SIAE: variants seen among roughly 807,000 people sequenced by gnomAD.
The protein encoded by SIAE is sialate O-acetylesterase.
Under a neutral mutation model 52.6 loss-of-function variants are expected in SIAE, and 39 were observed. That is an observed-to-expected ratio of 0.74 (90% CI 0.57 to 0.97). The LOEUF (loss-of-function observed/expected upper bound fraction) is 0.97. Ranked by LOEUF, SIAE falls within the 50% of genes least tolerant of loss-of-function variation. The pLI is 0.00. For synonymous variants in SIAE, 233 were observed against 241.4 expected (o/e 0.97, Z 0.32); for missense variants, 592 against 662.1 (o/e 0.89, Z 1.16).
rs1330455659 is a variant in SIAE at position 124,637,117 on chromosome 11, T to C, written c.1406A>G (p.Asp469Gly). The C allele has an allele frequency of 1.9e-6, 3 of 1,614,028 alleles. No individual in the cohort carries two copies. In the African/African-American group the frequency reaches 4.0e-5, roughly 22 times the overall value. Residue 469 changes from aspartate (D) to glycine (G), a missense_variant, in exon 10 of 10, where the codon GAT (aspartate) becomes GGT (glycine). By Grantham distance (94) the Asp-to-Gly change is moderately conservative. Coordinates refer to ENST00000263593, the MANE Select transcript of SIAE (RefSeq NM_170601.5). The stretch of plus-strand genomic sequence containing the variant: ...AGCAACCACAGTGCCATGACAAGAA[T>C]CGATCGCCAGGGTCAGGGACTGGGT... ...VSTQSLTLAI[D>G]SCHGTVVALR...
chr11:124,669,089 T>C (rs949412561), intron 2 of SIAE, among the ~76,000 whole-genome samples: 2 of 152,228 alleles, frequency 1.3e-5, no homozygotes, highest in African/African-American at 2.4e-5. Flanking sequence ...ACCTTCATCA[T>C]AGCATTCATC....
rs1248049266 is a variant in SIAE, at chr11:124,670,067, C to T, written c.68-546G>A. ...ATGCCAATTTCCTTCAAATAATGCC[C>T]CTTATCATGGTTTTTTGACAACCCA... On this transcript the variant is annotated intron_variant, in intron 1 of 9. Transcript: ENST00000263593. This position sits in a 1 kb window ranked among gnomAD's most constrained non-coding sequence, Gnocchi z 4.5. 6.6e-6 allele frequency among the ~76,000 whole-genome samples: 1 copy of T among 152,124 alleles called. No individual in the cohort carries two copies. Among genetic ancestry groups the T allele is most frequent in the Non-Finnish European group, 1.5e-5 (1 of 68,018 alleles).
At chr11:124,642,156 G>A (rs1942860134) in intron 7 of SIAE, among the ~76,000 whole-genome samples, 1 of 152,130 alleles carries the variant, frequency 6.6e-6, no homozygotes, top group South Asian at 2.1e-4. Flanking sequence ...ACAAGAGGAA[G>A]GGTAAAATCC....
upstream of SIAE, chr11:124,673,882 A>T (rs1046366719): frequency 3.2e-3 from 1,759 of 549,038 alleles, 5 homozygotes; most frequent in Non-Finnish European, 3.7e-3. Flanking sequence ...TTTTTTTTTT[A>T]AAGAAAAAAC....
intron 1 of SIAE, among the ~76,000 whole-genome samples, chr11:124,671,644 G>C (rs1943358312): frequency 6.6e-6 from 1 of 152,172 alleles, no homozygotes; most frequent in African/African-American, 2.4e-5. Context: ...AGAGTAGACA[G>C]TGGAACATCA....
Position 124,637,058 on chromosome 11 carries a change from A to C in SIAE, c.1465T>G (p.Tyr489Asp). Residue 489 changes from tyrosine to aspartate, a missense_variant, in exon 10 of 10, where the codon TAT becomes GAT. Transcript: ENST00000263593. ...GGGTGGTATAGGGGACACTGCTTAT[A>C]TTCACAAGGCCACGTGGTCCAAGCA... Reference protein sequence around the residue: ...RYAWTTWPCEYKQCPLYHPSS... With the variant: ...RYAWTTWPCEDKQCPLYHPSS... The C allele has an allele frequency of 6.2e-7, 1 of 1,614,160 alleles. No homozygotes were observed. Among genetic ancestry groups the C allele is most frequent in the African/African-American group, 1.3e-5 (1 of 75,038 alleles).
intron 7 of SIAE, among the ~76,000 whole-genome samples, 159 bp downstream of exon 7, chr11:124,647,206 T>C (rs540591408): frequency 5.3e-5 from 8 of 152,310 alleles, no homozygotes; most frequent in African/African-American, 1.7e-4. Flanking sequence ...AAGCCTTACA[T>C]TCAGTTCTTG....
At chr11:124,654,564 T>C (rs1943067275) in intron 4 of SIAE, 91 bp downstream of exon 4, 12 of 1,610,946 alleles carry the variant, frequency 7.4e-6, no homozygotes, top group South Asian at 1.1e-5. Context: ...TAATAATAAA[T>C]AGACACATAA....
intron 3 of SIAE, among the ~76,000 whole-genome samples, chr11:124,656,467 T>C (rs964050634): frequency 1.3e-5 from 2 of 152,122 alleles, no homozygotes; most frequent in African/African-American, 4.8e-5. Context: ...CCTCCAAAGA[T>C]AAATCATATT....
At position 124,645,238 on chromosome 11, in the gene SIAE, G is replaced by C. The variant is rs1942914186; in HGVS notation, c.966+2127C>G. On this transcript the variant is annotated intron_variant, in intron 7 of 9. Coordinates refer to ENST00000263593, the MANE Select transcript of SIAE (RefSeq NM_170601.5). The surrounding 1 kb of genome is among the most constrained non-coding windows in gnomAD (Gnocchi z 4.7). The stretch of plus-strand genomic sequence containing the variant: ...GCATGTTTTTGTTGGTGATAATAAA[G>C]TTAAAACCTGGAGGTTAAGGGACTT... Among the ~76,000 whole-genome samples, 1 of 151,772 alleles carries C rather than the reference G, an allele frequency of 6.6e-6. No individual in the cohort carries two copies. The highest frequency in any genetic ancestry group is 2.1e-4 in the South Asian group (1 of 4,814).
chr11:124,644,369 A>G (rs1038079828), intron 7 of SIAE, among the ~76,000 whole-genome samples: 1 of 151,688 alleles, frequency 6.6e-6, no homozygotes, highest in African/African-American at 2.4e-5. Flanking sequence ...AAAAAAAAAA[A>G]AAAAACTAGC....
In SIAE at chr11:124,665,867, C is replaced by A. The variant is rs1943266101; in HGVS notation, c.229+3493G>T. Among the ~76,000 whole-genome samples the A allele has an allele frequency of 3.9e-5, 6 of 152,154 alleles. No homozygotes were observed. The South Asian group carries it at 1.2e-3, about 32-fold the overall frequency. ...AAAAGAAAATTGGTATGCATGCCAA[C>A]CAGGGGCAGGGAGGGTTTTAGGCTT... On this transcript the variant is annotated intron_variant, in intron 2 of 9. Coordinates refer to ENST00000263593, the MANE Select transcript of SIAE (RefSeq NM_170601.5).
intron 2 of SIAE, among the ~76,000 whole-genome samples, chr11:124,669,133 T>C (rs143918577): frequency 2.0e-5 from 3 of 152,356 alleles, no homozygotes; most frequent in Admixed American, 2.0e-4. Flanking sequence ...TCTATTCCCA[T>C]TATTCTGTAA....
chr11:124,661,604 C>T (rs1183165584), intron 2 of SIAE, among the ~76,000 whole-genome samples: 1 of 152,090 alleles, frequency 6.6e-6, no homozygotes, highest in East Asian at 1.9e-4. Flanking sequence ...CTGCCAACAA[C>T]ATACTTAGAA....
chr11:124,647,538 C>G, intron 6 of SIAE, 40 bp from the exon 7 acceptor site: 1 of 1,612,756 alleles, frequency 6.2e-7, no homozygotes, highest in Non-Finnish European at 8.5e-7. Flanking sequence ...TTGGAGTAGA[C>G]TGCAAAAATG....
At chr11:124,675,111 G>A, upstream of SIAE, 1 of 901,162 alleles carries the variant, frequency 1.1e-6, no homozygotes, top group Non-Finnish European at 1.6e-6. Flanking sequence ...ATGGGCTTGG[G>A]TTGTGTTAGG....
intron 9 of SIAE, among the ~76,000 whole-genome samples, chr11:124,638,106 C>G (rs1942781898): frequency 6.6e-6 from 1 of 152,118 alleles, no homozygotes; most frequent in African/African-American, 2.4e-5. Context: ...TTACAAATAC[C>G]TAAGAATAAG....
chr11:124,634,574 G>A lies in SIAE; in HGVS notation c.*2377C>T, dbSNP rs539499099. ...TCCTCTTCCATGTTAAGAACCCTAA[G>A]AAATAACTGGACGAGTGTGGTATGA... is the stretch of plus-strand genomic sequence containing the variant. On this transcript the variant is annotated 3_prime_UTR_variant, in exon 10 of 10. Transcript: ENST00000263593. 1 of 152,170 alleles carries A rather than the reference G, an allele frequency of 6.6e-6. No individual in the cohort carries two copies. The highest frequency in any genetic ancestry group is 2.1e-4 in the South Asian group (1 of 4,822). The allele number at this position is 152,170 out of a possible 1,614,324, so 9.4% of individuals were successfully genotyped here.
Position 124,670,392 on chromosome 11 carries a change from A to G in SIAE, c.68-871T>C, listed in dbSNP as rs1943334282. Among the ~76,000 whole-genome samples, 1 of 152,204 alleles carries G rather than the reference A, an allele frequency of 6.6e-6. No individual in the cohort carries two copies. Among genetic ancestry groups the G allele is most frequent in the Non-Finnish European group, 1.5e-5 (1 of 68,040 alleles). On this transcript the variant is annotated intron_variant, in intron 1 of 9. Coordinates refer to ENST00000263593, the MANE Select transcript of SIAE (RefSeq NM_170601.5). This position sits in a 1 kb window ranked among gnomAD's most constrained non-coding sequence, Gnocchi z 4.5. ...CTATTTTTAACATCCAGCCTATATA[A>G]AAGTATTTTATTAATACAAACATCC...
Sources: gnomAD v4.1 joint callset for allele counts (sites outside exome capture counted in the v4.1 genomes callset) on GRCh38, gnomAD v4.1.1 for gene constraint, Gnocchi (gnomAD v3.1) non-coding constraint, MANE v1.5 for transcripts, NCBI Gene and HGNC (gene_info 2026-07-23, HGNC 2026-07-21) for gene names.